The following CDKAL1 variants were observed in gnomAD, a reference collection of about 807,000 sequenced individuals.
CDKAL1 encodes the protein threonylcarbamoyladenosine tRNA methylthiotransferase.
CDKAL1 carries 32 observed loss-of-function variants against 68.2 expected under a neutral mutation model. The observed-to-expected ratio is 0.47, with a 90% CI of 0.35 to 0.63. The LOEUF (loss-of-function observed/expected upper bound fraction) is 0.63, where lower values mean the gene tolerates loss of function less well. CDKAL1 is among the 30% of genes least tolerant of loss of function. The pLI is 0.00. For missense variants in CDKAL1, 606 were observed against 696.7 expected (o/e 0.87, Z 1.47); for synonymous variants, 234 against 244.3 (o/e 0.96, Z 0.39).
intron 9 of CDKAL1, among the ~76,000 whole-genome samples, chr6:20,866,337 A>G (rs1248107676): frequency 6.6e-6 from 1 of 152,222 alleles, no homozygotes; most frequent in Non-Finnish European, 1.5e-5. Flanking sequence ...AAGAAAAAAG[A>G]AAAGATTAGC....
At chr6:20,662,643 A>G (rs933829366) in intron 5 of CDKAL1, among the ~76,000 whole-genome samples, 3 of 152,118 alleles carry the variant, frequency 2.0e-5, no homozygotes, top group Non-Finnish European at 4.4e-5. Flanking sequence ...GGCAGCCACT[A>G]TATCTTTTAT....
At chr6:21,218,572 A>G (rs1779422963) in intron 15 of CDKAL1, among the ~76,000 whole-genome samples, 1 of 152,166 alleles carries the variant, frequency 6.6e-6, no homozygotes, top group South Asian at 2.1e-4. Context: ...TTTTATGGTG[A>G]TGGCAGGATT....
rs1265736413 is a variant in CDKAL1, at chr6:21,198,115, C to CT, written c.1383+13dup. 1.9e-6 allele frequency: 3 copies of CT among 1,545,100 alleles called. No individual in the cohort carries two copies. In the Admixed American group the frequency reaches 5.7e-5, roughly 29 times the overall value. ...CAATTCTATGAGCAGGTAAGAGGCA[C>CT]TTCAGTATTCTTGAGTTTTCTCCAA... On this transcript the variant is annotated intron_variant, in intron 14 of 15. Transcript: ENST00000274695.
chr6:20,983,992 G>A (rs1291597745), intron 10 of CDKAL1, among the ~76,000 whole-genome samples: 2 of 152,144 alleles, frequency 1.3e-5, no homozygotes, highest in Non-Finnish European at 2.9e-5. Context: ...AGGGCACTGG[G>A]TTTATATTCC....
intron 9 of CDKAL1, among the ~76,000 whole-genome samples, chr6:20,883,711 A>G (rs1444570700): frequency 6.6e-6 from 1 of 152,230 alleles, no homozygotes; most frequent in Non-Finnish European, 1.5e-5. Context: ...AATAAAGTAC[A>G]ATATTATCAT....
intron 7 of CDKAL1, among the ~76,000 whole-genome samples, chr6:20,769,509 C>T (rs1049821158): frequency 3.9e-5 from 6 of 152,050 alleles, no homozygotes; most frequent in African/African-American, 1.4e-4. Context: ...TCTCCCCCGC[C>T]TTGTCCCAAA....
chr6:21,090,419 TAC>T (rs1408850407), intron 12 of CDKAL1, among the ~76,000 whole-genome samples: 2 of 152,236 alleles, frequency 1.3e-5, no homozygotes, highest in South Asian at 4.1e-4. Flanking sequence ...ATACCTAGCA[TAC>T]ACAGTTTCTT....
chr6:21,008,536 G>A (rs912376659), intron 11 of CDKAL1, among the ~76,000 whole-genome samples: 2 of 152,128 alleles, frequency 1.3e-5, no homozygotes, highest in Non-Finnish European at 2.9e-5. Context: ...GCACTGGGCT[G>A]GGGGCTCTGG....
Position 20,787,413 on chromosome 6 carries a change from A to G in CDKAL1, c.638+6148A>G, listed in dbSNP as rs1003590866. ...ACAAATATTTGAATGGATATTTCAA[A>G]CTCATTATTTCATTATAACCTGACA... On this transcript the variant is annotated intron_variant, in intron 8 of 15. Coordinates refer to ENST00000274695, the MANE Select transcript of CDKAL1 (RefSeq NM_017774.3). 2.6e-5 allele frequency among the ~76,000 whole-genome samples: 4 copies of G among 152,132 alleles called. No homozygotes were observed. In the East Asian group the frequency reaches 7.7e-4, roughly 29 times the overall value.
At chr6:20,896,569 TA>T (rs1761704092) in intron 9 of CDKAL1, among the ~76,000 whole-genome samples, 1 of 152,202 alleles carries the variant, frequency 6.6e-6, no homozygotes, top group Non-Finnish European at 1.5e-5. Flanking sequence ...CCAAGTAAAA[TA>T]AAGAATACTT....
At chr6:20,811,354 A>G (rs1044053116) in intron 8 of CDKAL1, among the ~76,000 whole-genome samples, 26 of 152,224 alleles carry the variant, frequency 1.7e-4, no homozygotes, top group Non-Finnish European at 2.8e-4. Context: ...AAATGTCGAG[A>G]CGCTGAGGTC....
intron 5 of CDKAL1, among the ~76,000 whole-genome samples, chr6:20,720,226 G>C (rs1303082314): frequency 1.6e-4 from 24 of 152,054 alleles, no homozygotes; most frequent in Non-Finnish European, 1.5e-5. Flanking sequence ...AATGCTAATG[G>C]ATACAGGCCC....
At chr6:20,958,240 AG>A (rs924615361) in intron 10 of CDKAL1, among the ~76,000 whole-genome samples, 4 of 152,294 alleles carry the variant, frequency 2.6e-5, no homozygotes, top group African/African-American at 9.6e-5. Context: ...AAGATATGCA[AG>A]AATCAAAGGT....
At chr6:20,796,740 G>A (rs1040838948) in intron 8 of CDKAL1, among the ~76,000 whole-genome samples, 2 of 152,142 alleles carry the variant, frequency 1.3e-5, no homozygotes, top group Non-Finnish European at 2.9e-5. Flanking sequence ...AAGGGAGAAA[G>A]CAGTGTTTTC....
At position 20,640,070 on chromosome 6, in the gene CDKAL1, CAAT is replaced by C. The variant is rs141363395; in HGVS notation, c.287-9222_287-9220del. Among the ~76,000 whole-genome samples, 646 of 152,282 alleles carry C rather than the reference CAAT, an allele frequency of 4.2e-3. 10 individuals are homozygous for C. The highest frequency in any genetic ancestry group is 0.015 in the African/African-American group (606 of 41,566). On this transcript the variant is annotated intron_variant, in intron 4 of 15. Coordinates refer to ENST00000274695, the MANE Select transcript of CDKAL1 (RefSeq NM_017774.3). Reference sequence around the variant, plus strand: ...CTATTCTCAGTTTTTAGTAGGCAGTCAATGATTTGTGTTACGTAAATAAACCCT... The same window carrying C: ...CTATTCTCAGTTTTTAGTAGGCAGTCGATTTGTGTTACGTAAATAAACCCT...
chr6:20,984,393 G>C (rs1026124312), intron 10 of CDKAL1, among the ~76,000 whole-genome samples: 1 of 152,132 alleles, frequency 6.6e-6, no homozygotes, highest in African/African-American at 2.4e-5. Flanking sequence ...TCTCCATGGA[G>C]GCCCTGCAGC....
rs10554335 is a variant in CDKAL1 at position 21,117,288 on chromosome 6, G to GT, written c.1299+8840dup. 8.7e-3 allele frequency among the ~76,000 whole-genome samples: 1,244 copies of GT among 143,288 alleles called. 11 individuals carry two copies. Among genetic ancestry groups the GT allele is most frequent in the South Asian group, 0.016 (72 of 4,522 alleles). 94.0% of individuals were successfully genotyped at this position (143,288 alleles called of 152,430 possible). ...CTTAAATTCAAATTTCAGATAAATTGTTTTTTTTTTTTTTTAGAATGTGCC... is the reference window on the plus strand; with the variant it reads ...CTTAAATTCAAATTTCAGATAAATTGTTTTTTTTTTTTTTTTAGAATGTGCC... On this transcript the variant is annotated intron_variant, in intron 13 of 15. Coordinates refer to ENST00000274695, the MANE Select transcript of CDKAL1 (RefSeq NM_017774.3).
chr6:20,587,848 C>G (rs1765439225), intron 4 of CDKAL1, among the ~76,000 whole-genome samples: 1 of 152,122 alleles, frequency 6.6e-6, no homozygotes, highest in South Asian at 2.1e-4. Context: ...GTAATCCCAG[C>G]ACTTTGGGAG....
chr6:20,973,264 C>T (rs1047990217), intron 10 of CDKAL1, among the ~76,000 whole-genome samples: 8 of 152,034 alleles, frequency 5.3e-5, no homozygotes, highest in Non-Finnish European at 8.8e-5. Flanking sequence ...GGAATTTTAC[C>T]TTAAAAACAA....
Sources: allele counts gnomAD v4.1 joint callset (sites outside exome capture counted in the v4.1 genomes callset), GRCh38; gene constraint gnomAD v4.1.1; transcripts MANE v1.5; gene names NCBI Gene and HGNC (gene_info 2026-07-23, HGNC 2026-07-21).